Variants in GABRG3 observed in about 807,000 individuals in gnomAD.
GABRG3 encodes the protein gamma-aminobutyric acid receptor subunit gamma-3.
In GABRG3, 25 loss-of-function variants were observed where a neutral mutation model predicts 48.8. The ratio of observed to expected loss-of-function variants is 0.51; its 90% CI spans 0.37 to 0.72. The LOEUF (loss-of-function observed/expected upper bound fraction) is 0.72. Ranked by LOEUF, GABRG3 falls within the 30% of genes least tolerant of loss-of-function variation. The probability of loss-of-function intolerance (pLI) is 0.00; values close to 1 mark genes in which losing one functional copy is unlikely to be tolerated. For missense variants in GABRG3, 394 were observed against 577.9 expected (o/e 0.68, Z 3.26); for synonymous variants, 227 against 217.6 (o/e 1.04, Z -0.38).
At chr15:27,010,368 A>G (rs1895662973) in intron 2 of GABRG3, among the ~76,000 whole-genome samples, 1 of 152,228 alleles carries the variant, frequency 6.6e-6, no homozygotes, top group Admixed American at 6.5e-5. Context: ...AACTTTAGCA[A>G]TCAGGGTAAG....
chr15:27,016,504 C>T (rs2140671544), intron 2 of GABRG3, among the ~76,000 whole-genome samples: 1 of 152,164 alleles, frequency 6.6e-6, no homozygotes, highest in East Asian at 1.9e-4. Context: ...CATGATAAGT[C>T]ACTTTTCTCT....
chr15:27,496,481 C>T (rs927989968), intron 6 of GABRG3, among the ~76,000 whole-genome samples: 1 of 152,146 alleles, frequency 6.6e-6, no homozygotes, highest in Non-Finnish European at 1.5e-5. Flanking sequence ...AGGTTGCTGG[C>T]TTTTTCAGCC....
intron 3 of GABRG3, among the ~76,000 whole-genome samples, chr15:27,101,243 TAACA>T (rs1332094240): frequency 6.6e-6 from 1 of 152,178 alleles, no homozygotes; most frequent in Non-Finnish European, 1.5e-5. Context: ...GGTATAAATC[TAACA>T]AACAGGTACA....
intron 3 of GABRG3, among the ~76,000 whole-genome samples, chr15:27,123,028 G>A (rs1395182765): frequency 5.9e-5 from 9 of 152,092 alleles, no homozygotes; most frequent in Non-Finnish European, 2.9e-5. Context: ...GGAGCTCAGG[G>A]GATCCCCTTT....
intron 3 of GABRG3, among the ~76,000 whole-genome samples, chr15:27,295,674 C>G (rs1270720181): frequency 3.9e-5 from 6 of 152,168 alleles, no homozygotes; most frequent in African/African-American, 9.6e-5. Context: ...TCTAGGCAGG[C>G]CTACAGGCAT....
chr15:26,989,468 G>A (rs1288324941), intron 2 of GABRG3, among the ~76,000 whole-genome samples: 1 of 152,012 alleles, frequency 6.6e-6, no homozygotes, highest in Admixed American at 6.6e-5. Flanking sequence ...GTTTTTGACC[G>A]ATTTTATTCA....
chr15:27,396,596 A>G (rs1887304683), intron 5 of GABRG3, among the ~76,000 whole-genome samples: 1 of 152,230 alleles, frequency 6.6e-6, no homozygotes, highest in Admixed American at 6.5e-5. Context: ...CAGGTTACAC[A>G]AAGTAAAACA....
At chr15:27,295,220 A>T (rs1201774097) in intron 3 of GABRG3, 1 of 152,194 alleles carries the variant, frequency 6.6e-6, no homozygotes, top group African/African-American at 2.4e-5. Flanking sequence ...ATTAAATTTT[A>T]TTATTTCGCC....
chr15:27,410,572 T>G (rs1327558451), intron 5 of GABRG3, among the ~76,000 whole-genome samples: 5 of 152,184 alleles, frequency 3.3e-5, no homozygotes, highest in Non-Finnish European at 7.3e-5. Flanking sequence ...TTCAGATTAC[T>G]TATTTTATAT....
rs1025713882 is a variant in GABRG3, at chr15:27,535,553, A to T, written c.*2672A>T. Reference sequence around the variant, plus strand: ...AGAACCTTCATCTCAAGAAAGTCCAATGGATTTCACTAACTGAGCATCATA... The same window carrying T: ...AGAACCTTCATCTCAAGAAAGTCCATTGGATTTCACTAACTGAGCATCATA... On this transcript the variant is annotated 3_prime_UTR_variant, in exon 10 of 10. Coordinates refer to ENST00000615808, the MANE Select transcript of GABRG3 (RefSeq NM_033223.5). 1 of 152,180 alleles carries T rather than the reference A, an allele frequency of 6.6e-6. No homozygotes were observed. The highest frequency in any genetic ancestry group is 2.4e-5 in the African/African-American group (1 of 41,448). The allele number at this position is 152,180 out of a possible 1,614,324, so 9.4% of individuals were successfully genotyped here. A position where few individuals can be genotyped will look rare whatever the true frequency, so the allele number is the denominator to read the frequency against.
Position 27,181,588 on chromosome 15 carries a change from G to T in GABRG3, c.271-145221G>T, listed in dbSNP as rs149996839. Among the ~76,000 whole-genome samples the T allele has an allele frequency of 1.2e-3, 178 of 152,288 alleles. 1 individual carries two copies. Among genetic ancestry groups the T allele is most frequent in the African/African-American group, 4.1e-3 (170 of 41,570 alleles). On this transcript the variant is annotated intron_variant, in intron 3 of 9. Transcript: ENST00000615808. ...TTCTATGCTATATGCAAAGCCATCT[G>T]ACTCTACTCGTACATCCTGCCCACG...
rs189570125 is a variant in GABRG3, at chr15:27,392,977, T to C, written c.574+64089T>C. ...ATTTCAAGATATTCCACACTTATAT[T>C]CTGTTTTTTTCTCCAATCCTAGAAC... On this transcript the variant is annotated intron_variant, in intron 5 of 9. Coordinates refer to ENST00000615808, the MANE Select transcript of GABRG3 (RefSeq NM_033223.5). Among the ~76,000 whole-genome samples, 17 of 152,280 alleles carry C rather than the reference T, an allele frequency of 1.1e-4. No homozygotes were observed. The East Asian group carries it at 1.5e-3, about 14-fold the overall frequency.
At chr15:27,527,730 A>T in intron 8 of GABRG3, 101 bp downstream of exon 8, 1 of 1,187,234 alleles carries the variant, frequency 8.4e-7, no homozygotes, top group Non-Finnish European at 1.2e-6. Context: ...CGTACAAAGC[A>T]TGATACAAAT....
chr15:27,306,805 T>A (rs1397072189), intron 3 of GABRG3, among the ~76,000 whole-genome samples: 1 of 96,456 alleles, frequency 1.0e-5, no homozygotes, highest in Middle Eastern at 0.016. Context: ...ACATACAATA[T>A]AAACATGTTT....
chr15:27,349,265 TA>T lies in GABRG3; in HGVS notation c.574+20383del, dbSNP rs565419370. Among the ~76,000 whole-genome samples the T allele has an allele frequency of 3.2e-4, 48 of 152,196 alleles. 1 individual carries two copies. The highest frequency in any genetic ancestry group is 1.2e-3 in the African/African-American group (48 of 41,524). ...ATGTATAAATTATATATAATTGAAT[TA>T]AAAAATGAAATAGGGGCTTGTAAAG... On this transcript the variant is annotated intron_variant, in intron 5 of 9. Coordinates refer to ENST00000615808, the MANE Select transcript of GABRG3 (RefSeq NM_033223.5).
intron 3 of GABRG3, chr15:27,280,328 A>G (rs1016738776): frequency 6.6e-6 from 1 of 152,164 alleles, no homozygotes; most frequent in African/African-American, 2.4e-5. Context: ...AGCCTATAGC[A>G]CCTGGTGTTT....
At chr15:27,394,694 C>T (rs555113670) in intron 5 of GABRG3, among the ~76,000 whole-genome samples, 1 of 152,152 alleles carries the variant, frequency 6.6e-6, no homozygotes, top group South Asian at 2.1e-4. Context: ...ATTTTGCCTT[C>T]GTTTTGGAAG....
chr15:27,295,904 G>A (rs1891967134), intron 3 of GABRG3, among the ~76,000 whole-genome samples: 2 of 152,186 alleles, frequency 1.3e-5, no homozygotes, highest in Non-Finnish European at 2.9e-5. Context: ...TTCCCAGAAT[G>A]CCTCTCTCTG....
intron 3 of GABRG3, chr15:27,280,302 A>G (rs1049791773): frequency 3.3e-5 from 5 of 152,134 alleles, no homozygotes; most frequent in African/African-American, 1.2e-4. Context: ...TGTTTTAAAA[A>G]CAATTTTAAA....
Sources: allele counts gnomAD v4.1 joint callset (sites outside exome capture counted in the v4.1 genomes callset), GRCh38; gene constraint gnomAD v4.1.1; transcripts MANE v1.5; gene names NCBI Gene and HGNC (gene_info 2026-07-23, HGNC 2026-07-21).